Variants in MB21D2 observed in about 807,000 individuals in gnomAD.
The protein encoded by MB21D2 is Mab-21 domain containing 2.
Under a neutral mutation model 33.3 loss-of-function variants are expected in MB21D2, and 9 were observed. That is an observed-to-expected ratio of 0.27 (90% CI 0.16 to 0.47). MB21D2 has a LOEUF of 0.47. Ranked by LOEUF, MB21D2 falls within the 20% of genes least tolerant of loss-of-function variation. The pLI is 0.99. For missense variants in MB21D2, 540 were observed against 624.6 expected, an observed-to-expected ratio of 0.86 and a Z score of 1.44; for synonymous variants, 241 against 236.3, an observed-to-expected ratio of 1.02 and a Z score of -0.18.
rs551781116 is a variant in MB21D2, at chr3:192,830,515, G to T, written c.212-30865C>A. ...ACCTAATAATGCATGGCTCTTATCTGCTTCATACACCCCTTTCTGCAAACC... is the reference window on the plus strand; with the variant it reads ...ACCTAATAATGCATGGCTCTTATCTTCTTCATACACCCCTTTCTGCAAACC... On this transcript the variant is annotated intron_variant, in intron 1 of 1. Transcript: ENST00000392452. 9.2e-5 allele frequency among the ~76,000 whole-genome samples: 14 copies of T among 152,168 alleles called. 1 individual carries two copies. The highest frequency in any genetic ancestry group is 6.8e-3 in the Middle Eastern group (2 of 294).
rs184548084 is a variant in MB21D2, at chr3:192,869,691, C to G, written c.211+47939G>C. Among the ~76,000 whole-genome samples, 6 of 152,302 alleles carry G rather than the reference C, an allele frequency of 3.9e-5. No individual in the cohort carries two copies. In the East Asian group the frequency reaches 9.7e-4, roughly 25 times the overall value. On this transcript the variant is annotated intron_variant, in intron 1 of 1. Transcript: ENST00000392452. ...TCCTCCCCATAAAAAGCCACTTGAC[C>G]TCACCTTGCACTTGGGGCCATGGCC...
chr3:192,905,398 G>A (rs1283068595), intron 1 of MB21D2, among the ~76,000 whole-genome samples: 1 of 152,010 alleles, frequency 6.6e-6, no homozygotes, highest in Non-Finnish European at 1.5e-5. Flanking sequence ...CAGCAATTTA[G>A]GAGGCCGAGG....
At chr3:192,897,033 A>C (rs560310167) in intron 1 of MB21D2, among the ~76,000 whole-genome samples, 17 of 152,336 alleles carry the variant, frequency 1.1e-4, no homozygotes, top group African/African-American at 3.6e-4. Context: ...CTATGGAAGG[A>C]GGAGAAGAGA....
At chr3:192,896,062 T>C (rs1039909660) in intron 1 of MB21D2, among the ~76,000 whole-genome samples, 1 of 152,234 alleles carries the variant, frequency 6.6e-6, no homozygotes, top group Admixed American at 6.5e-5. Flanking sequence ...CAGTTTTATG[T>C]ACTCCGCTGC....
At chr3:192,913,512 T>C (rs1330899147) in intron 1 of MB21D2, among the ~76,000 whole-genome samples, 1 of 152,204 alleles carries the variant, frequency 6.6e-6, no homozygotes, top group African/African-American at 2.4e-5. Context: ...CAATGCTTAC[T>C]GTTATCCATG....
chr3:192,909,639 G>A (rs900560085), intron 1 of MB21D2, among the ~76,000 whole-genome samples: 8 of 151,888 alleles, frequency 5.3e-5, no homozygotes, highest in African/African-American at 1.9e-4. Context: ...GAACTCTGAT[G>A]AAGAGCCTCG....
chr3:192,814,119 T>C (rs1489802260), intron 1 of MB21D2, among the ~76,000 whole-genome samples: 2 of 152,202 alleles, frequency 1.3e-5, no homozygotes, highest in Non-Finnish European at 2.9e-5. Flanking sequence ...AACAAATCAG[T>C]AATATCCTAA....
Position 192,798,370 on chromosome 3 carries a change from A to G in MB21D2, c.*16T>C. The G allele has an allele frequency of 6.2e-7, 1 of 1,609,374 alleles. No homozygotes were observed. The highest frequency in any genetic ancestry group is 8.5e-7 in the Non-Finnish European group (1 of 1,176,822). On this transcript the variant is annotated 3_prime_UTR_variant, in exon 2 of 2. Transcript: ENST00000392452. The surrounding 1 kb of genome is among the most constrained non-coding windows in gnomAD (Gnocchi z 4.8). ...TCAGAGTTTAAGAATCAGGAAAAAAAAAAGTCAGCTAACACTCAGAAAAAT... is the reference window on the plus strand; with the variant it reads ...TCAGAGTTTAAGAATCAGGAAAAAAGAAAGTCAGCTAACACTCAGAAAAAT...
chr3:192,900,229 A>T (rs1395164633), intron 1 of MB21D2, among the ~76,000 whole-genome samples: 1 of 147,812 alleles, frequency 6.8e-6, no homozygotes, highest in Non-Finnish European at 1.5e-5. Context: ...GCTTGCAGTG[A>T]GCCAAGATCA....
intron 1 of MB21D2, among the ~76,000 whole-genome samples, chr3:192,853,773 C>T (rs1370927730): frequency 6.6e-6 from 1 of 152,112 alleles, no homozygotes; most frequent in Non-Finnish European, 1.5e-5. Context: ...AATCCTGCAT[C>T]GAGCAAGTGA....
chr3:192,901,260 G>A (rs560038119), intron 1 of MB21D2, among the ~76,000 whole-genome samples: 9 of 151,982 alleles, frequency 5.9e-5, no homozygotes, highest in Non-Finnish European at 1.3e-4. Flanking sequence ...AGAAATGAAT[G>A]TTTCCATTCC....
chr3:192,805,624 T>C (rs1167801579), intron 1 of MB21D2, among the ~76,000 whole-genome samples: 1 of 152,234 alleles, frequency 6.6e-6, no homozygotes, highest in Non-Finnish European at 1.5e-5. Context: ...GCAAGAACAC[T>C]GGACTCAACA....
intron 1 of MB21D2, among the ~76,000 whole-genome samples, chr3:192,912,352 G>A (rs868608523): frequency 2.0e-5 from 3 of 152,062 alleles, no homozygotes; most frequent in Middle Eastern, 3.4e-3. Flanking sequence ...AGAGAAAGAG[G>A]GACAGAGACA....
chr3:192,841,308 C>T (rs186160593), intron 1 of MB21D2, among the ~76,000 whole-genome samples: 2 of 152,348 alleles, frequency 1.3e-5, no homozygotes, highest in East Asian at 1.9e-4. Flanking sequence ...ACCCCACCTT[C>T]GGGTATTCAC....
intron 1 of MB21D2, among the ~76,000 whole-genome samples, chr3:192,831,958 A>T (rs1288800089): frequency 6.6e-6 from 1 of 152,194 alleles, no homozygotes; most frequent in Non-Finnish European, 1.5e-5. Context: ...CTCACTTTTA[A>T]TGCTATTGCC....
intron 1 of MB21D2, among the ~76,000 whole-genome samples, chr3:192,831,903 T>C (rs1228731644): frequency 6.6e-6 from 1 of 152,172 alleles, no homozygotes; most frequent in African/African-American, 2.4e-5. Context: ...GACATTACAG[T>C]TATCCAAACT....
At chr3:192,846,286 G>A (rs1253553060) in intron 1 of MB21D2, among the ~76,000 whole-genome samples, 1 of 152,028 alleles carries the variant, frequency 6.6e-6, no homozygotes, top group Non-Finnish European at 1.5e-5. Context: ...TAAAATAACA[G>A]TAATAAAAAC....
intron 1 of MB21D2, among the ~76,000 whole-genome samples, chr3:192,884,579 G>C (rs796974693): frequency 1.3e-5 from 2 of 151,968 alleles, no homozygotes; most frequent in Non-Finnish European, 2.9e-5. Flanking sequence ...GTGTTAGCCA[G>C]GATGGTCTTG....
intron 1 of MB21D2, among the ~76,000 whole-genome samples, chr3:192,800,744 T>C (rs1172281320): frequency 2.0e-5 from 3 of 152,312 alleles, no homozygotes; most frequent in East Asian, 1.9e-4. Context: ...TGAGCTGAAC[T>C]AGCCTCTTTG....
Sources: gnomAD v4.1 joint callset for allele counts (sites outside exome capture counted in the v4.1 genomes callset) on GRCh38, gnomAD v4.1.1 for gene constraint, Gnocchi (gnomAD v3.1) non-coding constraint, MANE v1.5 for transcripts, NCBI Gene and HGNC (gene_info 2026-07-23, HGNC 2026-07-21) for gene names.